LRRC4C: variants seen among roughly 807,000 people sequenced by gnomAD.
LRRC4C encodes the protein leucine rich repeat containing 4C.
LRRC4C carries 5 observed loss-of-function variants against 33.6 expected under a neutral mutation model. The ratio of observed to expected loss-of-function variants is 0.15; its 90% CI spans 0.08 to 0.31. The LOEUF is 0.31. Among genes scored for constraint, LRRC4C ranks in the 10% least tolerant of loss-of-function variants. The pLI is 1.00. For synonymous variants in LRRC4C, 329 were observed against 302.0 expected (o/e 1.09, Z -0.93); for missense variants, 560 against 796.7 (o/e 0.70, Z 3.58).
intron 1 of LRRC4C, among the ~76,000 whole-genome samples, chr11:41,213,836 G>A (rs1946923666): frequency 6.6e-6 from 1 of 152,054 alleles, no homozygotes; most frequent in South Asian, 2.1e-4. Flanking sequence ...TTTAAAACTG[G>A]AACAATCACA....
intron 2 of LRRC4C, among the ~76,000 whole-genome samples, chr11:40,906,739 C>T (rs969698413): frequency 2.0e-5 from 3 of 151,798 alleles, no homozygotes; most frequent in African/African-American, 4.8e-5. Flanking sequence ...TGTGTATTTA[C>T]AATAAATTCA....
chr11:40,942,402 A>G (rs1024493349), intron 1 of LRRC4C, among the ~76,000 whole-genome samples: 6 of 152,206 alleles, frequency 3.9e-5, no homozygotes, highest in Non-Finnish European at 8.8e-5. Flanking sequence ...GAACTTTAGA[A>G]AGTGCTGCAG....
At chr11:40,985,124 C>A (rs1452001539) in intron 1 of LRRC4C, among the ~76,000 whole-genome samples, 2 of 151,760 alleles carry the variant, frequency 1.3e-5, no homozygotes, top group East Asian at 3.9e-4. Context: ...TTCTGTGTGG[C>A]TTGTTCATAC....
intron 2 of LRRC4C, among the ~76,000 whole-genome samples, chr11:40,748,713 A>C (rs1016409139): frequency 1.3e-4 from 20 of 152,154 alleles, no homozygotes; most frequent in African/African-American, 4.6e-4. Context: ...AACTTAATCT[A>C]ACTATATGCT....
intron 2 of LRRC4C, among the ~76,000 whole-genome samples, chr11:40,679,360 C>G (rs1944564313): frequency 6.6e-6 from 1 of 152,122 alleles, no homozygotes; most frequent in Non-Finnish European, 1.5e-5. Flanking sequence ...AGGAGAAATT[C>G]AAGCCAGGTG....
intron 1 of LRRC4C, among the ~76,000 whole-genome samples, chr11:41,312,405 T>C (rs2922035): frequency 0.44 from 67,054 of 152,030 alleles, 15,268 homozygotes; most frequent in Non-Finnish European, 0.5. Flanking sequence ...CAGAGTAATG[T>C]TTAGGAATTC....
intron 2 of LRRC4C, among the ~76,000 whole-genome samples, chr11:40,905,063 A>G (rs1956360555): frequency 6.6e-6 from 1 of 152,224 alleles, no homozygotes; most frequent in South Asian, 2.1e-4. Context: ...GAGAGAAAAG[A>G]GCCCAAGTCT....
At chr11:40,976,954 T>G in intron 1 of LRRC4C, among the ~76,000 whole-genome samples, 1 of 152,106 alleles carries the variant, frequency 6.6e-6, no homozygotes, top group East Asian at 1.9e-4. Context: ...ATGAAATAAT[T>G]ATACAACTCA....
intron 1 of LRRC4C, among the ~76,000 whole-genome samples, chr11:41,239,568 C>T (rs1948168388): frequency 6.6e-6 from 1 of 152,024 alleles, no homozygotes; most frequent in Admixed American, 6.6e-5. Context: ...GTCTCTTTTG[C>T]CTCCCTCAAA....
intron 1 of LRRC4C, among the ~76,000 whole-genome samples, chr11:41,323,453 A>G (rs1176810651): frequency 1.3e-5 from 2 of 152,242 alleles, no homozygotes; most frequent in Non-Finnish European, 1.5e-5. Flanking sequence ...ATCATCACAC[A>G]CTGCCTTACC....
rs568129914 is a variant in LRRC4C at position 40,772,986 on chromosome 11, T to C, written c.-406-124708A>G. Reference sequence around the variant, plus strand: ...AACAGATGAATTAATAAAGGAAATGTGGCACATATACACAATGGAGTACCA... The same window carrying C: ...AACAGATGAATTAATAAAGGAAATGCGGCACATATACACAATGGAGTACCA... On this transcript the variant is annotated intron_variant, in intron 2 of 6. Coordinates refer to ENST00000528697, the MANE Select transcript of LRRC4C (RefSeq NM_001258419.2). 4.1e-4 allele frequency among the ~76,000 whole-genome samples: 63 copies of C among 152,178 alleles called. 1 individual carries two copies. Among genetic ancestry groups the C allele is most frequent in the Non-Finnish European group, 9.0e-4 (61 of 68,036 alleles).
intron 1 of LRRC4C, among the ~76,000 whole-genome samples, chr11:41,039,540 C>T (rs1857296849): frequency 6.6e-6 from 1 of 152,098 alleles, no homozygotes; most frequent in Non-Finnish European, 1.5e-5. Flanking sequence ...TGGCCTACTA[C>T]CAGAAATAGG....
At chr11:40,801,485 A>G (rs1475055251) in intron 2 of LRRC4C, among the ~76,000 whole-genome samples, 3 of 152,170 alleles carry the variant, frequency 2.0e-5, no homozygotes, top group Non-Finnish European at 2.9e-5. Context: ...TATTCCTCCA[A>G]AAGATTTTTA....
intron 1 of LRRC4C, among the ~76,000 whole-genome samples, chr11:40,995,869 C>A (rs1325405136): frequency 1.3e-5 from 2 of 152,082 alleles, no homozygotes; most frequent in South Asian, 2.1e-4. Context: ...TTTTAGTAAC[C>A]TTTGTTTATC....
At chr11:40,615,249 T>TATATATAC (rs1370221298) in intron 3 of LRRC4C, among the ~76,000 whole-genome samples, 3 of 86,438 alleles carry the variant, frequency 3.5e-5, no homozygotes, top group African/African-American at 1.0e-4. Context: ...TATATATATA[T>TATATATAC]ATATATATAT....
intron 1 of LRRC4C, among the ~76,000 whole-genome samples, chr11:41,110,444 A>G (rs1166126299): frequency 6.6e-6 from 1 of 152,086 alleles, no homozygotes; most frequent in Admixed American, 6.6e-5. Context: ...AGACAAAGAG[A>G]ATGTAAATAA....
chr11:41,293,629 T>A (rs1950052707), intron 1 of LRRC4C, among the ~76,000 whole-genome samples: 1 of 152,102 alleles, frequency 6.6e-6, no homozygotes, highest in Non-Finnish European at 1.5e-5. Context: ...GGAGTTTCAC[T>A]CCTGTGGCCC....
chr11:41,060,655 T>C (rs1301698300), intron 1 of LRRC4C, among the ~76,000 whole-genome samples: 1 of 152,190 alleles, frequency 6.6e-6, no homozygotes, highest in Non-Finnish European at 1.5e-5. Flanking sequence ...AATACAGCCA[T>C]ACTGGGGCTA....
chr11:40,554,351 A>G (rs921167722), intron 3 of LRRC4C, among the ~76,000 whole-genome samples: 10 of 152,194 alleles, frequency 6.6e-5, no homozygotes, highest in Non-Finnish European at 1.5e-4. Context: ...CTAAAAGTGT[A>G]GCATGCTGTA....
Sources: gnomAD v4.1 joint callset for allele counts (sites outside exome capture counted in the v4.1 genomes callset) on GRCh38, gnomAD v4.1.1 for gene constraint, MANE v1.5 for transcripts, NCBI Gene and HGNC (gene_info 2026-07-23, HGNC 2026-07-21) for gene names.